Variants in DRC11L observed in about 807,000 individuals in gnomAD.
The protein encoded by DRC11L is dynein regulatory complex subunit 11 like, also known as dynein regulatory complex subunit like-11.
chr7:151,201,159 A>G, the DRC11L span, among the ~76,000 whole-genome samples: 1 of 152,266 alleles, frequency 6.6e-6, no homozygotes, highest in South Asian at 2.1e-4. This position sits in a 1 kb window ranked among gnomAD's most constrained non-coding sequence, Gnocchi z 4.1. Context: ...GGCCCGGGCC[A>G]GCCAGTGCTT....
chr7:151,204,372 G>GC, the DRC11L span: 1 of 397,296 alleles, frequency 2.5e-6, no homozygotes, highest in Non-Finnish European at 4.4e-6. Context: ...GGGGTGGTCG[G>GC]CCCCATCCCT....
At chr7:151,202,641 CAGGAGAT>C in the DRC11L span, among the ~76,000 whole-genome samples, 2,038 of 152,264 alleles carry the variant, frequency 0.013, 33 homozygotes, top group African/African-American at 0.04. Context: ...CGCTTGAAGT[CAGGAGAT>C]CAAGAGCAGC....
chr7:151,194,289 G>A, the DRC11L span: 1 of 399,202 alleles, frequency 2.5e-6, no homozygotes, highest in Non-Finnish European at 4.4e-6. Context: ...GCCACATTCT[G>A]TCGTATGTCA....
the DRC11L span, chr7:151,192,564 C>A: frequency 2.5e-6 from 1 of 398,352 alleles, no homozygotes; most frequent in Admixed American, 4.4e-5. Flanking sequence ...TCAGCCCTAG[C>A]GGGATGAGGA....
the DRC11L span, chr7:151,198,879 T>C: frequency 5.0e-6 from 2 of 399,020 alleles, no homozygotes; most frequent in Non-Finnish European, 8.8e-6. Context: ...CAGAGAATCA[T>C]GGGCCTTCAC....
At chr7:151,204,396 C>G in the DRC11L span, 10 of 395,552 alleles carry the variant, frequency 2.5e-5, no homozygotes, top group African/African-American at 1.9e-4. Flanking sequence ...CCACCCGACC[C>G]CAAGCTGGCC....
chr7:151,191,530 T>C, the DRC11L span: 1 of 397,870 alleles, frequency 2.5e-6, no homozygotes, highest in Non-Finnish European at 4.4e-6. Context: ...TTCCACTGAT[T>C]GTCTTCTGGT....
the DRC11L span, chr7:151,193,509 G>T: frequency 2.5e-6 from 1 of 399,396 alleles, no homozygotes; most frequent in African/African-American, 2.1e-5. Flanking sequence ...AAGGAAATGG[G>T]CCAGAGCCAG....
At chr7:151,198,653 T>C in the DRC11L span, 14 of 395,938 alleles carry the variant, frequency 3.5e-5, no homozygotes, top group African/African-American at 2.1e-4. Context: ...GTCAGCAGTG[T>C]GTTGGGGACC....
the DRC11L span, chr7:151,198,662 C>T: frequency 5.0e-6 from 2 of 396,518 alleles, no homozygotes; most frequent in Non-Finnish European, 8.9e-6. Context: ...GTGTTGGGGA[C>T]CTGGGGGTAG....
the DRC11L span, chr7:151,192,252 C>T: frequency 5.0e-6 from 2 of 398,938 alleles, no homozygotes; most frequent in East Asian, 7.1e-5. Flanking sequence ...TAGGCGCAGC[C>T]GTCCCCACAT....
At chr7:151,196,796 G>C in the DRC11L span, among the ~76,000 whole-genome samples, 1 of 152,298 alleles carries the variant, frequency 6.6e-6, no homozygotes, top group South Asian at 2.1e-4. Flanking sequence ...ACCCAAATCT[G>C]TAACGCCCCC....
At chr7:151,201,576 T>C in the DRC11L span, among the ~76,000 whole-genome samples, 1 of 152,244 alleles carries the variant, frequency 6.6e-6, no homozygotes, top group African/African-American at 2.4e-5. The surrounding 1 kb of genome is among the most constrained non-coding windows in gnomAD (Gnocchi z 4.1). Flanking sequence ...AGATGATATA[T>C]CTTCATAGAA....
At chr7:151,196,916 G>A in the DRC11L span, 1 of 398,980 alleles carries the variant, frequency 2.5e-6, no homozygotes, top group Non-Finnish European at 4.4e-6. Flanking sequence ...CTTTCTCCAG[G>A]ACCCAGGGCC....
At chr7:151,202,216 A>C in the DRC11L span, among the ~76,000 whole-genome samples, 6 of 152,184 alleles carry the variant, frequency 3.9e-5, no homozygotes, top group South Asian at 1.2e-3. Context: ...TTAATTCATC[A>C]TGATCAAGTT....
chr7:151,193,056 A>T, the DRC11L span: 2 of 397,220 alleles, frequency 5.0e-6, no homozygotes. Context: ...CTGCATATTC[A>T]GTCTCATCCT....
chr7:151,192,270 C>T, the DRC11L span: 1 of 399,130 alleles, frequency 2.5e-6, no homozygotes, highest in African/African-American at 2.1e-5. Context: ...CATCCCCAGG[C>T]CTCACCATAG....
At chr7:151,193,885 C>T in the DRC11L span, among the ~76,000 whole-genome samples, 3 of 145,170 alleles carry the variant, frequency 2.1e-5, no homozygotes, top group East Asian at 4.1e-4. Context: ...CCAGCCTGGG[C>T]GACAGACTGA....
chr7:151,203,450 C>T, the DRC11L span: 29 of 399,002 alleles, frequency 7.3e-5, no homozygotes, highest in Admixed American at 4.4e-4. Context: ...TATCAGCCCT[C>T]GCTCCCGCAC....
Sources: gnomAD v4.1 joint callset for allele counts (sites outside exome capture counted in the v4.1 genomes callset) on GRCh38, gnomAD v4.1.1 for gene constraint, Gnocchi (gnomAD v3.1) non-coding constraint, MANE v1.5 for transcripts, NCBI Gene and HGNC (gene_info 2026-07-23, HGNC 2026-07-21) for gene names.